Variants in EHBP1 observed in about 807,000 individuals in gnomAD.
The protein encoded by EHBP1 is EH domain binding protein 1, also known as EH domain-binding protein 1.
In EHBP1, 55 loss-of-function variants were observed where a neutral mutation model predicts 144.0. The ratio of observed to expected loss-of-function variants is 0.38; its 90% CI spans 0.31 to 0.48. The LOEUF is 0.48. EHBP1 is among the 20% of genes least tolerant of loss of function. The pLI, the probability that EHBP1 is intolerant of heterozygous loss-of-function variation, is 0.98. For missense variants in EHBP1, 1,200 were observed against 1,364.2 expected (o/e 0.88, Z 1.90); for synonymous variants, 469 against 472.7 (o/e 0.99, Z 0.10).
intron 1 of EHBP1, among the ~76,000 whole-genome samples, chr2:62,695,088 G>A (rs1449997015): frequency 6.6e-6 from 1 of 152,142 alleles, no homozygotes; most frequent in Non-Finnish European, 1.5e-5. Flanking sequence ...AAGACTGGGT[G>A]CAGTGGCTCA....
At chr2:62,934,286 GTGTGCAGTAGTACCT>G in intron 10 of EHBP1, among the ~76,000 whole-genome samples, 1 of 152,330 alleles carries the variant, frequency 6.6e-6, no homozygotes, top group East Asian at 1.9e-4. Flanking sequence ...CTGGGGAGAA[GTGTGCAGTAGTACCT>G]TGTGTAATTC....
rs1159610161 is a variant in EHBP1 at position 62,957,383 on chromosome 2, G to T, written c.2460+1723G>T. Among the ~76,000 whole-genome samples the T allele has an allele frequency of 2.6e-5, 4 of 152,004 alleles. No individual in the cohort carries two copies. In the East Asian group the frequency reaches 7.7e-4, roughly 29 times the overall value. On this transcript the variant is annotated intron_variant, in intron 14 of 22. Transcript: ENST00000431489. ...ATGTGCTAAAATGTACATATAAAAA[G>T]CCTATAGCAAACATACTTAATTGTG...
At position 62,782,826 on chromosome 2, in the gene EHBP1, C is replaced by T. The variant is rs184560600; in HGVS notation, c.312+11434C>T. 6.6e-3 allele frequency among the ~76,000 whole-genome samples: 1,001 copies of T among 152,294 alleles called. 12 individuals are homozygous for T. The highest frequency in any genetic ancestry group is 0.031 in the Middle Eastern group (9 of 294). On this transcript the variant is annotated intron_variant, in intron 5 of 22. Transcript: ENST00000431489. Reference sequence around the variant, plus strand: ...TCAGTCCCTGGCCCCTCCCATATCTCATGTCTTCACGTTTCAAAACAAAAT... The same window carrying T: ...TCAGTCCCTGGCCCCTCCCATATCTTATGTCTTCACGTTTCAAAACAAAAT...
chr2:62,835,606 A>G (rs928390456), intron 7 of EHBP1, among the ~76,000 whole-genome samples: 1 of 152,122 alleles, frequency 6.6e-6, no homozygotes, highest in Non-Finnish European at 1.5e-5. Flanking sequence ...AGGGAGTGCC[A>G]GACAGTGGGC....
chr2:62,813,784 A>G lies in EHBP1; in HGVS notation c.313-12303A>G, dbSNP rs150869833. ...TTGGGTTTTAGACTCTCTGGGAACT[A>G]GTTACTCCTTTCTTGTTGCCTATTT... On this transcript the variant is annotated intron_variant, in intron 5 of 22. Transcript: ENST00000431489. Among the ~76,000 whole-genome samples, 5 of 152,326 alleles carry G rather than the reference A, an allele frequency of 3.3e-5. No individual in the cohort carries two copies. The East Asian group carries it at 9.6e-4, about 29-fold the overall frequency.
chr2:63,029,195 A>G (rs569897301), intron 19 of EHBP1, among the ~76,000 whole-genome samples: 12 of 151,950 alleles, frequency 7.9e-5, no homozygotes, highest in Non-Finnish European at 1.6e-4. Flanking sequence ...TACCATAGCT[A>G]TGGCTATCTT....
At chr2:62,678,385 C>G (rs2033388906) in intron 1 of EHBP1, among the ~76,000 whole-genome samples, 1 of 152,102 alleles carries the variant, frequency 6.6e-6, no homozygotes, top group Non-Finnish European at 1.5e-5. Context: ...GGTTATTAAT[C>G]CCTTGTCAGA....
chr2:62,835,268 A>G (rs2047124179), intron 7 of EHBP1, among the ~76,000 whole-genome samples: 1 of 152,054 alleles, frequency 6.6e-6, no homozygotes, highest in South Asian at 2.1e-4. Flanking sequence ...TACTTTATTT[A>G]TACTTTTATT....
At chr2:62,739,950 A>C (rs565268773) in intron 2 of EHBP1, among the ~76,000 whole-genome samples, 2 of 151,642 alleles carry the variant, frequency 1.3e-5, no homozygotes, top group South Asian at 4.2e-4. Context: ...AAAAAAAAAA[A>C]AAAGAAAAAT....
intron 4 of EHBP1, among the ~76,000 whole-genome samples, chr2:62,768,140 C>T (rs2041345788): frequency 6.6e-6 from 1 of 152,026 alleles, no homozygotes; most frequent in Non-Finnish European, 1.5e-5. Flanking sequence ...AAATCAACTC[C>T]AAAGCTGGCA....
At chr2:62,940,252 A>G (rs759637370) in intron 10 of EHBP1, 3 of 269,118 alleles carry the variant, frequency 1.1e-5, no homozygotes, top group South Asian at 9.9e-5. Flanking sequence ...GTATTGAGCC[A>G]AGAGTTGAGG....
chr2:62,905,375 G>A (rs532478812), intron 10 of EHBP1, among the ~76,000 whole-genome samples: 1 of 152,322 alleles, frequency 6.6e-6, no homozygotes, highest in East Asian at 1.9e-4. Flanking sequence ...GGCTGCAGCA[G>A]CATCATCAAG....
At chr2:62,798,325 G>A (rs972611978) in intron 5 of EHBP1, among the ~76,000 whole-genome samples, 5 of 151,682 alleles carry the variant, frequency 3.3e-5, no homozygotes, top group East Asian at 1.9e-4. Flanking sequence ...CTGGGGTTAC[G>A]CCACAGCACT....
chr2:62,926,076 T>A (rs946926271), intron 10 of EHBP1, among the ~76,000 whole-genome samples: 2 of 152,020 alleles, frequency 1.3e-5, no homozygotes, highest in Non-Finnish European at 2.9e-5. Context: ...TGAAATAGAA[T>A]AGAGAACCCA....
In EHBP1 at chr2:62,958,462, A is replaced by G. The variant is rs369922400; in HGVS notation, c.2460+2802A>G. ...TTATGCTGCGAACACAAAAGAGGAC[A>G]TGTATAATTACATTCACATGAAATT... On this transcript the variant is annotated intron_variant, in intron 14 of 22. Coordinates refer to ENST00000431489, the MANE Select transcript of EHBP1 (RefSeq NM_001142616.3). Among the ~76,000 whole-genome samples, 36 of 152,342 alleles carry G rather than the reference A, an allele frequency of 2.4e-4. 1 individual carries two copies. The highest frequency in any genetic ancestry group is 7.9e-4 in the African/African-American group (33 of 41,584).
intron 4 of EHBP1, among the ~76,000 whole-genome samples, chr2:62,766,807 A>G (rs1316713499): frequency 6.6e-6 from 1 of 152,002 alleles, no homozygotes; most frequent in East Asian, 1.9e-4. Flanking sequence ...TATTTCATTC[A>G]TCATACATTT....
chr2:62,992,144 G>A (rs984127425), intron 16 of EHBP1, among the ~76,000 whole-genome samples: 4 of 152,052 alleles, frequency 2.6e-5, no homozygotes, highest in African/African-American at 9.7e-5. Flanking sequence ...CTGGCTAATC[G>A]CACTGATATT....
At chr2:62,861,446 A>G (rs2049538718) in intron 8 of EHBP1, among the ~76,000 whole-genome samples, 1 of 150,472 alleles carries the variant, frequency 6.6e-6, no homozygotes, top group African/African-American at 2.4e-5. Flanking sequence ...GCTTTTTTAG[A>G]AAGCTACTAA....
At chr2:62,943,071 A>G (rs2056856524) in intron 11 of EHBP1, among the ~76,000 whole-genome samples, 175 bp downstream of exon 11, 1 of 152,194 alleles carries the variant, frequency 6.6e-6, no homozygotes, top group Non-Finnish European at 1.5e-5. Context: ...CCTAAAAACA[A>G]TCTTTTCTCT....
Sources: allele counts gnomAD v4.1 joint callset (sites outside exome capture counted in the v4.1 genomes callset), GRCh38; gene constraint gnomAD v4.1.1; transcripts MANE v1.5; gene names NCBI Gene and HGNC (gene_info 2026-07-23, HGNC 2026-07-21).